KIAA0232: variants seen among roughly 807,000 people sequenced by gnomAD.
KIAA0232 encodes uncharacterized protein KIAA0232.
Under a neutral mutation model 122.0 loss-of-function variants are expected in KIAA0232, and 27 were observed. The observed-to-expected ratio is 0.22, with a 90% confidence interval of 0.16 to 0.31. The LOEUF (loss-of-function observed/expected upper bound fraction) is 0.31. Among genes scored for constraint, KIAA0232 ranks in the 10% least tolerant of loss-of-function variants. The pLI is 1.00. For missense variants in KIAA0232, 1,551 were observed against 1,634.2 expected (o/e 0.95, Z 0.88); for synonymous variants, 613 against 587.6 (o/e 1.04, Z -0.63).
intron 3 of KIAA0232, among the ~76,000 whole-genome samples, chr4:6,829,257 C>T (rs751068165): frequency 5.9e-5 from 9 of 152,164 alleles, no homozygotes; most frequent in Non-Finnish European, 1.2e-4. Context: ...CCAGTGACGA[C>T]AGTCTTTATC....
chr4:6,867,368 G>C lies in KIAA0232; in HGVS notation c.3801+3185G>C, dbSNP rs78971028. Among the ~76,000 whole-genome samples, 1,258 of 152,290 alleles carry C rather than the reference G, an allele frequency of 8.3e-3. 10 individuals carry two copies. The highest frequency in any genetic ancestry group is 0.016 in the South Asian group (76 of 4,824). On this transcript the variant is annotated intron_variant, in intron 7 of 9. Coordinates refer to ENST00000307659, the MANE Select transcript of KIAA0232 (RefSeq NM_014743.3). The stretch of plus-strand genomic sequence containing the variant: ...GGCAGAAGGAACAGCAGAAGCAAGG[G>C]TAAAGAGATTTGAATCTGCTGATGT...
intron 2 of KIAA0232, among the ~76,000 whole-genome samples, chr4:6,816,403 C>CT: frequency 6.6e-6 from 1 of 151,962 alleles, no homozygotes; most frequent in Non-Finnish European, 1.5e-5. Context: ...CTGCCTCAGC[C>CT]TTCCGAGTAG....
intron 7 of KIAA0232, among the ~76,000 whole-genome samples, chr4:6,867,954 T>C (rs1040915764): frequency 3.3e-5 from 5 of 152,240 alleles, no homozygotes; most frequent in Admixed American, 3.3e-4. Flanking sequence ...TTGTCTCTGT[T>C]GCACTCAGTA....
chr4:6,811,338 T>C (rs1444216396), intron 2 of KIAA0232, among the ~76,000 whole-genome samples: 1 of 152,214 alleles, frequency 6.6e-6, no homozygotes, highest in East Asian at 1.9e-4. Flanking sequence ...AGTCATTATC[T>C]TAAGTGATAA....
chr4:6,878,935 C>T (rs1265921619), intron 9 of KIAA0232, among the ~76,000 whole-genome samples: 1 of 152,176 alleles, frequency 6.6e-6, no homozygotes, highest in Non-Finnish European at 1.5e-5. Flanking sequence ...CAGCTCTCTC[C>T]TCAGTGACTA....
At chr4:6,844,017 G>T (rs1370369483) in intron 4 of KIAA0232, among the ~76,000 whole-genome samples, 1 of 125,472 alleles carries the variant, frequency 8.0e-6, no homozygotes, top group African/African-American at 3.0e-5. Context: ...TCGGCTCACT[G>T]CAAGCTCCGC....
At chr4:6,803,798 T>G (rs906618871) in intron 1 of KIAA0232, among the ~76,000 whole-genome samples, 2 of 152,206 alleles carry the variant, frequency 1.3e-5, no homozygotes, top group African/African-American at 4.8e-5. Flanking sequence ...CAGTGGGTAT[T>G]TTTCCTACCT....
rs765215228 is a variant in KIAA0232 at position 6,861,439 on chromosome 4, A to G, written c.1057A>G (p.Ser353Gly). The part of the protein sequence containing the change: ...ERNIHTGSSS[S>G]SSSGSVKQLC... ...GAACATTCATACTGGAAGTAGTAGC[A>G]GTAGCAGCAGTGGTTCTGTCAAACA... The change falls in exon 7 of 10, where the codon AGT (serine) becomes GGT (glycine). Residue 353 changes from serine to glycine, a missense_variant. Transcript: ENST00000307659. 11 of 1,614,252 alleles carry G rather than the reference A, an allele frequency of 6.8e-6. No homozygotes were observed. Among genetic ancestry groups the G allele is most frequent in the Non-Finnish European group, 9.3e-6 (11 of 1,180,034 alleles).
intron 4 of KIAA0232, among the ~76,000 whole-genome samples, chr4:6,844,149 C>T (rs1476143868): frequency 6.6e-6 from 1 of 151,574 alleles, no homozygotes; most frequent in African/African-American, 2.4e-5. Context: ...ACCGTGTTAG[C>T]CAGGATGGTC....
intron 2 of KIAA0232, among the ~76,000 whole-genome samples, chr4:6,816,897 T>C (rs746756239): frequency 1.7e-4 from 26 of 152,192 alleles, no homozygotes; most frequent in Non-Finnish European, 1.5e-5. Flanking sequence ...TTTTCTAATA[T>C]GCCTTATTCT....
rs11944937 is a variant in KIAA0232 at position 6,795,140 on chromosome 4, G to C, written c.-353-9383G>C. ...GGCTGGAGTGCAATTGCATGATCTCGGCTTACTGCAAGCTCCGCCTTCCGG... is the reference window on the plus strand; with the variant it reads ...GGCTGGAGTGCAATTGCATGATCTCCGCTTACTGCAAGCTCCGCCTTCCGG... On this transcript the variant is annotated intron_variant, in intron 1 of 9. Transcript: ENST00000307659. 2.6e-5 allele frequency among the ~76,000 whole-genome samples: 4 copies of C among 152,042 alleles called. No homozygotes were observed. The South Asian group carries it at 8.3e-4, about 32-fold the overall frequency.
At chr4:6,820,743 C>G (rs977815559) in intron 2 of KIAA0232, among the ~76,000 whole-genome samples, 3 of 152,188 alleles carry the variant, frequency 2.0e-5, no homozygotes, top group African/African-American at 7.2e-5. Flanking sequence ...TTCTGGTGCT[C>G]TTTGTTCCCT....
At chr4:6,812,129 A>T (rs1445130829) in intron 2 of KIAA0232, among the ~76,000 whole-genome samples, 4 of 152,186 alleles carry the variant, frequency 2.6e-5, no homozygotes, top group African/African-American at 9.7e-5. Flanking sequence ...AGTGTCTTGG[A>T]CAACCTCCTG....
intron 1 of KIAA0232, among the ~76,000 whole-genome samples, chr4:6,796,870 T>C (rs1465318762): frequency 6.6e-6 from 1 of 152,182 alleles, no homozygotes; most frequent in East Asian, 1.9e-4. Context: ...TTTCCATTCT[T>C]GGTTTTCTGG....
rs1721564562 is a variant in KIAA0232 at position 6,872,820 on chromosome 4, A to G, written c.3910+1138A>G. 2.0e-5 allele frequency among the ~76,000 whole-genome samples: 3 copies of G among 152,344 alleles called. No homozygotes were observed. The South Asian group carries it at 6.2e-4, about 32-fold the overall frequency. On this transcript the variant is annotated intron_variant, in intron 8 of 9. Transcript: ENST00000307659. ...CTGCACACGCCTGTGTTGTCCTCGG[A>G]AAGCCTCCCTGGCATCCCTCGGCAG...
intron 1 of KIAA0232, among the ~76,000 whole-genome samples, chr4:6,792,023 C>T (rs1387481382): frequency 6.6e-6 from 1 of 152,144 alleles, no homozygotes; most frequent in Admixed American, 6.5e-5. Context: ...TGTCACCATC[C>T]ATGTAAGAGG....
At chr4:6,793,449 A>G (rs1341527557) in intron 1 of KIAA0232, among the ~76,000 whole-genome samples, 2 of 152,360 alleles carry the variant, frequency 1.3e-5, no homozygotes, top group East Asian at 1.9e-4. Context: ...TTGAAAAAGT[A>G]TGCTTAACTT....
intron 1 of KIAA0232, among the ~76,000 whole-genome samples, chr4:6,795,597 T>C (rs1433020384): frequency 6.6e-6 from 1 of 152,164 alleles, no homozygotes; most frequent in Non-Finnish European, 1.5e-5. Context: ...ACTAGAAATA[T>C]ATTTATTTAT....
chr4:6,807,176 A>G (rs1466213630), intron 2 of KIAA0232, among the ~76,000 whole-genome samples: 1 of 152,158 alleles, frequency 6.6e-6, no homozygotes, highest in Non-Finnish European at 1.5e-5. Context: ...CTAGGATTAT[A>G]GGCACACACC....
Sources: allele counts gnomAD v4.1 joint callset (sites outside exome capture counted in the v4.1 genomes callset), GRCh38; gene constraint gnomAD v4.1.1; transcripts MANE v1.5; gene names NCBI Gene and HGNC (gene_info 2026-07-23, HGNC 2026-07-21).